Variants in KIF16B observed in about 807,000 individuals in gnomAD.
The protein encoded by KIF16B is kinesin family member 16B, also known as kinesin-like protein KIF16B.
A neutral mutation model predicts 156.3 loss-of-function variants in KIF16B; 98 were observed. The observed-to-expected ratio is 0.63, with a 90% confidence interval of 0.53 to 0.74. The LOEUF (loss-of-function observed/expected upper bound fraction) is 0.74, where lower values mean the gene tolerates loss of function less well. KIF16B is among the 30% of genes least tolerant of loss of function. The pLI, the probability that KIF16B is intolerant of heterozygous loss-of-function variation, is 0.00. For synonymous variants in KIF16B, 564 were observed against 583.7 expected (o/e 0.97, Z 0.49); for missense variants, 1,421 against 1,606.5 (o/e 0.88, Z 1.97).
At chr20:16,496,836 T>C (rs1466738922) in intron 11 of KIF16B, among the ~76,000 whole-genome samples, 1 of 152,218 alleles carries the variant, frequency 6.6e-6, no homozygotes, top group Non-Finnish European at 1.5e-5. Context: ...ATAATTATCC[T>C]AGATGTGTCA....
At chr20:16,491,781 C>G (rs564500300) in intron 12 of KIF16B, among the ~76,000 whole-genome samples, 1 of 152,330 alleles carries the variant, frequency 6.6e-6, no homozygotes, top group Admixed American at 6.5e-5. Flanking sequence ...AGAGCTCACA[C>G]CCACCCCACA....
intron 12 of KIF16B, among the ~76,000 whole-genome samples, chr20:16,478,446 T>C (rs2146816963): frequency 6.6e-6 from 1 of 152,310 alleles, no homozygotes; most frequent in Middle Eastern, 3.4e-3. Context: ...ACGGCTTTAC[T>C]TTCCAAGGTT....
chr20:16,427,418 G>C (rs1047654726), intron 14 of KIF16B, among the ~76,000 whole-genome samples, 177 bp from the exon 15 acceptor site: 3 of 152,092 alleles, frequency 2.0e-5, no homozygotes, highest in Non-Finnish European at 4.4e-5. Flanking sequence ...AGCTCATGAC[G>C]TTCAATGATA....
intron 12 of KIF16B, among the ~76,000 whole-genome samples, chr20:16,473,118 T>C (rs1348193022): frequency 2.0e-5 from 3 of 152,102 alleles, no homozygotes; most frequent in Non-Finnish European, 4.4e-5. Context: ...AGGCTACAAG[T>C]CTTCTTAAGT....
At chr20:16,345,328 C>T (rs1287696569) in intron 23 of KIF16B, among the ~76,000 whole-genome samples, 1 of 152,148 alleles carries the variant, frequency 6.6e-6, no homozygotes, top group South Asian at 2.1e-4. Context: ...TTACAGGTAC[C>T]AAATATTTGT....
chr20:16,376,573 C>T (rs1454265720), intron 19 of KIF16B, among the ~76,000 whole-genome samples: 1 of 152,186 alleles, frequency 6.6e-6, no homozygotes, highest in Admixed American at 6.5e-5. Flanking sequence ...GCAGAGAGCC[C>T]GGAATCCGTC....
chr20:16,420,607 T>C (rs2066201726), intron 15 of KIF16B, among the ~76,000 whole-genome samples: 1 of 152,142 alleles, frequency 6.6e-6, no homozygotes, highest in Non-Finnish European at 1.5e-5. Flanking sequence ...TAGGAATCAT[T>C]GTGACTTGAG....
intron 3 of KIF16B, among the ~76,000 whole-genome samples, chr20:16,519,280 T>C (rs1173873110): frequency 6.6e-6 from 1 of 152,090 alleles, no homozygotes; most frequent in African/African-American, 2.4e-5. Flanking sequence ...CATTCCTTCC[T>C]ATCTTTCCCT....
At chr20:16,533,204 C>G (rs925049966) in intron 1 of KIF16B, among the ~76,000 whole-genome samples, 1 of 152,144 alleles carries the variant, frequency 6.6e-6, no homozygotes, top group Admixed American at 6.6e-5. Flanking sequence ...TTTCACTATT[C>G]TGAGGGTCTA....
intron 3 of KIF16B, among the ~76,000 whole-genome samples, chr20:16,518,580 G>T (rs1383576064): frequency 6.6e-6 from 1 of 152,166 alleles, no homozygotes; most frequent in Admixed American, 6.5e-5. Context: ...TAAGGAACAG[G>T]TTGTGTGAGA....
chr20:16,360,950 T>C lies in KIF16B; in HGVS notation c.3499-4498A>G, dbSNP rs1052367557. On this transcript the variant is annotated intron_variant, in intron 22 of 25. Coordinates refer to ENST00000354981, the MANE Select transcript of KIF16B (RefSeq NM_024704.5). ...TGAAACGGTCCAGGTCCTCAGGGAG[T>C]CATTAACAGTTGTCCCTAAACATTC... 4.6e-5 allele frequency among the ~76,000 whole-genome samples: 7 copies of C among 152,018 alleles called. No homozygotes were observed. The South Asian group carries it at 6.3e-4, about 14-fold the overall frequency.
chr20:16,462,139 G>A (rs2067361730), intron 12 of KIF16B, among the ~76,000 whole-genome samples: 1 of 152,152 alleles, frequency 6.6e-6, no homozygotes, highest in East Asian at 1.9e-4. Flanking sequence ...TACTCAGGAG[G>A]CTGAGGCAGA....
intron 24 of KIF16B, among the ~76,000 whole-genome samples, chr20:16,318,008 G>A (rs66481149): frequency 0.033 from 4,996 of 152,234 alleles, 89 homozygotes; most frequent in African/African-American, 0.037. Flanking sequence ...AACAAGAGAA[G>A]ATGTGTCTCA....
rs75545772 is a variant in KIF16B at position 16,540,027 on chromosome 20, G to T, written c.48-11587C>A. ...ATATTTAACTGCCTTCATTTTAGTG[G>T]CAAGACACTTGATAGCAAAAATGAA... is the stretch of plus-strand genomic sequence containing the variant. On this transcript the variant is annotated intron_variant, in intron 1 of 25. Transcript: ENST00000354981. Among the ~76,000 whole-genome samples the T allele has an allele frequency of 4.1e-3, 630 of 152,246 alleles. 8 individuals are homozygous for T. Among genetic ancestry groups the T allele is most frequent in the African/African-American group, 0.014 (598 of 41,542 alleles).
At chr20:16,454,876 T>C (rs1403867928) in intron 12 of KIF16B, among the ~76,000 whole-genome samples, 1 of 152,146 alleles carries the variant, frequency 6.6e-6, no homozygotes, top group Non-Finnish European at 1.5e-5. Flanking sequence ...TTCTCAGAAG[T>C]AGGAATCAGA....
At chr20:16,306,619 A>T (rs1349019214) in intron 25 of KIF16B, among the ~76,000 whole-genome samples, 1 of 152,156 alleles carries the variant, frequency 6.6e-6, no homozygotes. Flanking sequence ...TTTGCAAGTA[A>T]ATGTAACAAA....
At chr20:16,368,397 C>T in intron 22 of KIF16B, 3 of 988,950 alleles carry the variant, frequency 3.0e-6, no homozygotes, top group Non-Finnish European at 3.6e-6. Flanking sequence ...CTGTTGACTG[C>T]ATGTCAGTCT....
chr20:16,448,172 T>C (rs772803078), intron 12 of KIF16B, among the ~76,000 whole-genome samples: 1 of 152,000 alleles, frequency 6.6e-6, no homozygotes, highest in Non-Finnish European at 1.5e-5. Context: ...ATCACAGCCA[T>C]CTCCACAGGG....
At chr20:16,417,687 T>C (rs2066124454) in intron 15 of KIF16B, among the ~76,000 whole-genome samples, 1 of 151,876 alleles carries the variant, frequency 6.6e-6, no homozygotes, top group Non-Finnish European at 1.5e-5. Flanking sequence ...AGATAAGATA[T>C]AAAGAAGAAT....
Sources: allele counts gnomAD v4.1 joint callset (sites outside exome capture counted in the v4.1 genomes callset), GRCh38; gene constraint gnomAD v4.1.1; transcripts MANE v1.5; gene names NCBI Gene and HGNC (gene_info 2026-07-23, HGNC 2026-07-21).